The following SYNDIG1L variants were observed in gnomAD, a reference collection of about 807,000 sequenced individuals.
The protein encoded by SYNDIG1L is synapse differentiation inducing 1 like.
In SYNDIG1L, 13 loss-of-function variants were observed where a neutral mutation model predicts 20.1. The observed-to-expected ratio is 0.65, with a 90% CI of 0.42 to 1.03. The LOEUF is 1.03. Ranked by LOEUF, SYNDIG1L falls within the 50% of genes least tolerant of loss-of-function variation. The probability of loss-of-function intolerance (pLI) is 0.00; values close to 1 mark genes in which losing one functional copy is unlikely to be tolerated. For missense variants in SYNDIG1L, 294 were observed against 305.1 expected, an observed-to-expected ratio of 0.96 and a Z score of 0.27; for synonymous variants, 128 against 129.3, an observed-to-expected ratio of 0.99 and a Z score of 0.07.
At position 74,409,598 on chromosome 14, in the gene SYNDIG1L, G is replaced by A. The variant is rs541022818; in HGVS notation, c.147C>T (p.Ala49=). The A allele has an allele frequency of 2.3e-5, 35 of 1,509,606 alleles. No individual in the cohort carries two copies. Among genetic ancestry groups the A allele is most frequent in the South Asian group, 2.2e-4 (16 of 73,844 alleles). 93.5% of individuals were successfully genotyped at this position (1,509,606 alleles called of 1,614,324 possible). ...CTGGGTCCAGGAGCTGGTGGGCTCC[G>A]GCAGGCCCAGCGCCACCTAGGAGGT... ...YSYLLGGAGP[A]GAHQLLDPGS... is the part of the protein sequence containing the mutation. The change falls in exon 2 of 4, where the codon GCC becomes GCT. Residue 49 remains alanine, a synonymous_variant. Coordinates refer to ENST00000331628, the MANE Select transcript of SYNDIG1L (RefSeq NM_001105579.2).
chr14:74,430,197 G>C (rs2086292809), upstream of SYNDIG1L, among the ~76,000 whole-genome samples: 1 of 152,178 alleles, frequency 6.6e-6, no homozygotes, highest in South Asian at 2.1e-4. Context: ...AGACTGCACA[G>C]CTCTGAACTC....
upstream of SYNDIG1L, among the ~76,000 whole-genome samples, chr14:74,427,187 G>A (rs892909587): frequency 7.4e-6 from 1 of 134,512 alleles, no homozygotes; most frequent in Non-Finnish European, 1.5e-5. Context: ...CCTATTCTTC[G>A]AGCGCCTTCA....
the SYNDIG1L span, among the ~76,000 whole-genome samples, chr14:74,449,610 TA>T: frequency 1.3e-3 from 164 of 124,518 alleles, no homozygotes; most frequent in Non-Finnish European, 1.8e-3. Flanking sequence ...GACTGTGCCT[TA>T]AAAAAAAAAA....
the SYNDIG1L span, among the ~76,000 whole-genome samples, chr14:74,447,447 A>G: frequency 6.6e-6 from 1 of 151,986 alleles, no homozygotes; most frequent in East Asian, 1.9e-4. Flanking sequence ...ATTAGCTGAG[A>G]GTGGTGGCGC....
the SYNDIG1L span, among the ~76,000 whole-genome samples, chr14:74,455,672 G>A: frequency 1.3e-5 from 2 of 152,100 alleles, no homozygotes; most frequent in African/African-American, 2.4e-5. Context: ...TGCCTGCCTC[G>A]GCCTCCCAAA....
chr14:74,415,412 T>A (rs1044833353), intron 1 of SYNDIG1L, among the ~76,000 whole-genome samples: 13 of 152,226 alleles, frequency 8.5e-5, no homozygotes, highest in South Asian at 2.1e-4. Context: ...TTTGCATTTC[T>A]AACAAGTTCC....
At chr14:74,443,580 G>A in the SYNDIG1L span, among the ~76,000 whole-genome samples, 1 of 152,210 alleles carries the variant, frequency 6.6e-6, no homozygotes, top group Non-Finnish European at 1.5e-5. Context: ...TTAGGATGGT[G>A]CTTTACCCAG....
chr14:74,444,883 G>A, the SYNDIG1L span, among the ~76,000 whole-genome samples: 3 of 152,194 alleles, frequency 2.0e-5, no homozygotes, highest in Non-Finnish European at 4.4e-5. Context: ...CAGATCAGTA[G>A]TTACAAATAG....
chr14:74,413,363 T>C (rs534104142), intron 1 of SYNDIG1L, among the ~76,000 whole-genome samples: 2 of 152,302 alleles, frequency 1.3e-5, no homozygotes, highest in African/African-American at 2.4e-5. Context: ...CGTCCAGCAA[T>C]TGGGAACAAG....
the SYNDIG1L span, among the ~76,000 whole-genome samples, chr14:74,450,553 C>T: frequency 6.6e-6 from 1 of 152,114 alleles, no homozygotes; most frequent in South Asian, 2.1e-4. Flanking sequence ...CAGTGTAATT[C>T]ATCTTCTTAA....
intron 1 of SYNDIG1L, among the ~76,000 whole-genome samples, chr14:74,421,672 T>C (rs182985693): frequency 2.6e-3 from 395 of 152,238 alleles, no homozygotes; most frequent in South Asian, 7.1e-3. Context: ...GGCTGCTGGA[T>C]GTATGGAGTC....
the SYNDIG1L span, among the ~76,000 whole-genome samples, chr14:74,459,169 C>T: frequency 6.6e-6 from 1 of 152,050 alleles, no homozygotes; most frequent in Non-Finnish European, 1.5e-5. Flanking sequence ...GTCCCTGGGT[C>T]ATTGTGTTGG....
chr14:74,475,276 G>A, the SYNDIG1L span, among the ~76,000 whole-genome samples: 2 of 151,156 alleles, frequency 1.3e-5, no homozygotes, highest in African/African-American at 2.4e-5. Flanking sequence ...GTACTGCACT[G>A]AGCACTTTGC....
At chr14:74,435,572 GT>G in the SYNDIG1L span, among the ~76,000 whole-genome samples, 1 of 152,218 alleles carries the variant, frequency 6.6e-6, no homozygotes, top group Non-Finnish European at 1.5e-5. Context: ...TGTTTTCAAA[GT>G]GCTTGCTGTG....
At chr14:74,437,520 A>G in the SYNDIG1L span, among the ~76,000 whole-genome samples, 1 of 152,240 alleles carries the variant, frequency 6.6e-6, no homozygotes, top group African/African-American at 2.4e-5. Context: ...AACATGCAAG[A>G]AAGGAAACTA....
the SYNDIG1L span, among the ~76,000 whole-genome samples, chr14:74,469,458 A>G: frequency 2.0e-5 from 3 of 152,018 alleles, no homozygotes; most frequent in African/African-American, 7.2e-5. Context: ...AACATGGCAC[A>G]TGTATACATA....
chr14:74,475,599 T>A, the SYNDIG1L span, among the ~76,000 whole-genome samples: 2 of 151,900 alleles, frequency 1.3e-5, no homozygotes, highest in African/African-American at 4.8e-5. Flanking sequence ...TGCCAGGCTC[T>A]TAGACTCTGA....
the SYNDIG1L span, among the ~76,000 whole-genome samples, chr14:74,431,706 A>G: frequency 1.3e-5 from 2 of 152,154 alleles, no homozygotes; most frequent in Admixed American, 6.5e-5. Flanking sequence ...GAATTGTGAC[A>G]TTTAATGAGG....
the SYNDIG1L span, chr14:74,480,002 G>A: frequency 7.0e-7 from 1 of 1,421,352 alleles, no homozygotes; most frequent in Non-Finnish European, 9.2e-7. Flanking sequence ...TGTAGAAAGA[G>A]GCCACAAGTT....
Sources: gnomAD v4.1 joint callset for allele counts (sites outside exome capture counted in the v4.1 genomes callset) on GRCh38, gnomAD v4.1.1 for gene constraint, MANE v1.5 for transcripts, NCBI Gene and HGNC (gene_info 2026-07-23, HGNC 2026-07-21) for gene names.